The following LRRTM4 variants were observed in gnomAD, a reference collection of about 807,000 sequenced individuals.
LRRTM4 encodes leucine rich repeat transmembrane neuronal 4, also known as leucine-rich repeat transmembrane neuronal protein 4.
LRRTM4 carries 25 observed loss-of-function variants against 47.6 expected under a neutral mutation model. That is an observed-to-expected ratio of 0.53 (90% CI 0.38 to 0.73). The LOEUF (loss-of-function observed/expected upper bound fraction) is 0.73, where lower values mean the gene tolerates loss of function less well. LRRTM4 is among the 30% of genes least tolerant of loss of function. The pLI is 0.00. For synonymous variants in LRRTM4, 311 were observed against 269.5 expected, an observed-to-expected ratio of 1.15 and a Z score of -1.51; for missense variants, 638 against 713.4, an observed-to-expected ratio of 0.89 and a Z score of 1.20.
chr2:77,063,193 C>T (rs1002235071), intron 3 of LRRTM4, among the ~76,000 whole-genome samples: 13 of 152,140 alleles, frequency 8.5e-5, no homozygotes, highest in Non-Finnish European at 1.6e-4. Flanking sequence ...CGCCTGACCT[C>T]GTGATCCGCC....
At chr2:76,909,782 A>G (rs1428139834) in intron 3 of LRRTM4, among the ~76,000 whole-genome samples, 4 of 152,238 alleles carry the variant, frequency 2.6e-5, no homozygotes, top group Non-Finnish European at 5.9e-5. Context: ...AATGCAAATC[A>G]AAACCACAGT....
intron 3 of LRRTM4, among the ~76,000 whole-genome samples, chr2:77,052,379 G>A (rs1679465979): frequency 6.6e-6 from 1 of 151,710 alleles, no homozygotes; most frequent in African/African-American, 2.4e-5. Context: ...ATGTTTACCA[G>A]GCTGGTCTCG....
intron 3 of LRRTM4, among the ~76,000 whole-genome samples, chr2:77,223,972 A>G (rs1352216328): frequency 1.3e-5 from 2 of 152,118 alleles, no homozygotes; most frequent in African/African-American, 2.4e-5. Context: ...CTACAAGGCT[A>G]CAGTAACCAA....
intron 3 of LRRTM4, among the ~76,000 whole-genome samples, chr2:77,232,701 A>G (rs1674998728): frequency 6.6e-6 from 1 of 152,232 alleles, no homozygotes; most frequent in Non-Finnish European, 1.5e-5. Context: ...TATAAAGAGC[A>G]CTATGAACGT....
At chr2:76,782,934 C>G (rs1674479749) in intron 3 of LRRTM4, among the ~76,000 whole-genome samples, 1 of 152,020 alleles carries the variant, frequency 6.6e-6, no homozygotes. Context: ...TACCATATAA[C>G]AAATTGTTGA....
intron 3 of LRRTM4, among the ~76,000 whole-genome samples, chr2:77,088,312 C>A (rs1403011708): frequency 6.6e-6 from 1 of 152,068 alleles, no homozygotes; most frequent in South Asian, 2.1e-4. Context: ...TTAAGAATCA[C>A]AAAAGAAGTG....
chr2:76,925,847 T>C (rs576913693), intron 3 of LRRTM4, among the ~76,000 whole-genome samples: 4 of 152,236 alleles, frequency 2.6e-5, no homozygotes, highest in Middle Eastern at 3.4e-3. Flanking sequence ...CTCCCAAGAT[T>C]TGGGGAGAAA....
At chr2:77,481,535 C>T (rs1677702842) in intron 3 of LRRTM4, among the ~76,000 whole-genome samples, 1 of 152,062 alleles carries the variant, frequency 6.6e-6, no homozygotes, top group South Asian at 2.1e-4. Context: ...TAGTGGTTCT[C>T]TAACTTTTGG....
intron 3 of LRRTM4, among the ~76,000 whole-genome samples, chr2:76,837,131 A>C (rs907080769): frequency 6.6e-6 from 1 of 152,016 alleles, no homozygotes; most frequent in African/African-American, 2.4e-5. Flanking sequence ...TGTGTCGAGG[A>C]ATTTATCCAT....
At chr2:77,234,954 C>T (rs1208528894) in intron 3 of LRRTM4, among the ~76,000 whole-genome samples, 2 of 152,124 alleles carry the variant, frequency 1.3e-5, no homozygotes, top group African/African-American at 2.4e-5. Context: ...CAATGTTTTG[C>T]TCCTGCTTAT....
At chr2:77,258,723 A>G (rs999377575) in intron 3 of LRRTM4, among the ~76,000 whole-genome samples, 2 of 151,996 alleles carry the variant, frequency 1.3e-5, no homozygotes, top group Non-Finnish European at 2.9e-5. Context: ...AAATAGGGCA[A>G]ATGAATAGCT....
intron 3 of LRRTM4, among the ~76,000 whole-genome samples, chr2:77,036,006 TTTAA>T (rs142817849): frequency 0.021 from 3,120 of 151,932 alleles, 119 homozygotes; most frequent in African/African-American, 0.071. Context: ...TGTTTGGATC[TTTAA>T]TTAATTAAGA....
intron 3 of LRRTM4, among the ~76,000 whole-genome samples, chr2:77,004,501 G>A (rs138862853): frequency 1.1e-4 from 16 of 152,054 alleles, no homozygotes; most frequent in African/African-American, 3.1e-4. Context: ...TTCAGAGCAT[G>A]TATGAAAACA....
intron 3 of LRRTM4, among the ~76,000 whole-genome samples, chr2:77,268,185 T>C (rs889511736): frequency 1.3e-5 from 2 of 152,164 alleles, no homozygotes; most frequent in African/African-American, 4.8e-5. Flanking sequence ...GGTCCAAATA[T>C]ATCCAAATGC....
rs1208242159 is a variant in LRRTM4 at position 76,875,224 on chromosome 2, AATC to A, written c.1552-126311_1552-126309del. 2.6e-5 allele frequency among the ~76,000 whole-genome samples: 4 copies of A among 152,264 alleles called. No individual in the cohort carries two copies. The East Asian group carries it at 7.7e-4, about 29-fold the overall frequency. On this transcript the variant is annotated intron_variant, in intron 3 of 3. Transcript: ENST00000409884. ...TGCATTTGCCTCAGATAAGATAAAT[AATC>A]ATTTCTGTGGTAAGATTTAACGACA... is the stretch of plus-strand genomic sequence containing the variant.
chr2:77,049,161 C>T (rs1413381258), intron 3 of LRRTM4, among the ~76,000 whole-genome samples: 364 of 101,462 alleles, frequency 3.6e-3, no homozygotes, highest in African/African-American at 0.011. Context: ...TATATATACA[C>T]ACACACACAC....
chr2:77,130,106 A>C (rs1671756745), intron 3 of LRRTM4, among the ~76,000 whole-genome samples: 1 of 152,232 alleles, frequency 6.6e-6, no homozygotes, highest in Admixed American at 6.5e-5. Context: ...AGTGTGGCTC[A>C]GGGCAAAGAA....
At chr2:76,923,667 T>C (rs1674502827) in intron 3 of LRRTM4, among the ~76,000 whole-genome samples, 1 of 152,140 alleles carries the variant, frequency 6.6e-6, no homozygotes, top group Non-Finnish European at 1.5e-5. Flanking sequence ...TAAAATTATA[T>C]TTTGTTTGCC....
intron 3 of LRRTM4, among the ~76,000 whole-genome samples, chr2:77,323,589 G>T (rs1299954785): frequency 1.3e-5 from 2 of 152,040 alleles, no homozygotes; most frequent in African/African-American, 4.8e-5. Context: ...TGGTCAAAAG[G>T]CATTGTGCTA....
Sources: gnomAD v4.1 joint callset for allele counts (sites outside exome capture counted in the v4.1 genomes callset) on GRCh38, gnomAD v4.1.1 for gene constraint, MANE v1.5 for transcripts, NCBI Gene and HGNC (gene_info 2026-07-23, HGNC 2026-07-21) for gene names.